The following ADAM12 variants were observed in gnomAD, a reference collection of about 807,000 sequenced individuals.
ADAM12 encodes disintegrin and metalloproteinase domain-containing protein 12.
Under a neutral mutation model 106.4 loss-of-function variants are expected in ADAM12, and 70 were observed. That is an observed-to-expected ratio of 0.66 (90% confidence interval 0.54 to 0.80). The LOEUF is 0.80. Among genes scored for constraint, ADAM12 ranks in the 30% least tolerant of loss-of-function variants. The pLI is 0.00. For missense variants in ADAM12, 1,010 were observed against 1,171.9 expected, an observed-to-expected ratio of 0.86 and a Z score of 2.02; for synonymous variants, 420 against 433.5, an observed-to-expected ratio of 0.97 and a Z score of 0.39.
At chr10:126,166,021 C>G (rs887795694) in intron 3 of ADAM12, among the ~76,000 whole-genome samples, 1 of 152,198 alleles carries the variant, frequency 6.6e-6, no homozygotes, top group Non-Finnish European at 1.5e-5. Flanking sequence ...TTGCCCAGCT[C>G]TTTCTCATTT....
chr10:126,337,428 G>A (rs1423349184), intron 1 of ADAM12, among the ~76,000 whole-genome samples: 1 of 152,144 alleles, frequency 6.6e-6, no homozygotes, highest in Admixed American at 6.6e-5. Context: ...AAAGAACCTG[G>A]AGTCTGATGT....
intron 2 of ADAM12, among the ~76,000 whole-genome samples, chr10:126,309,458 A>G (rs1245554014): frequency 6.6e-6 from 1 of 152,244 alleles, no homozygotes; most frequent in Non-Finnish European, 1.5e-5. Flanking sequence ...ATTCCAATGT[A>G]ACATAAGCCG....
Position 126,025,823 on chromosome 10 carries a change from C to T in ADAM12, c.2530-5998G>A, listed in dbSNP as rs147500171. Among the ~76,000 whole-genome samples the T allele has an allele frequency of 8.5e-3, 1,287 of 152,272 alleles. 19 individuals carry two copies. The highest frequency in any genetic ancestry group is 0.029 in the African/African-American group (1,195 of 41,546). On this transcript the variant is annotated intron_variant, in intron 21 of 22. Transcript: ENST00000448723. The stretch of plus-strand genomic sequence containing the variant: ...GAAATCCAGAGAAGGTAAGATACTC[C>T]ATGAGAAGATCAACCCCAAGACACA...
Position 126,258,418 on chromosome 10 carries a change from G to A in ADAM12, c.260+20497C>T, listed in dbSNP as rs182024893. 2.3e-3 allele frequency among the ~76,000 whole-genome samples: 316 copies of A among 135,864 alleles called. 2 individuals carry two copies. The highest frequency in any genetic ancestry group is 8.0e-3 in the African/African-American group (310 of 38,548). The allele number at this position is 135,864 out of a possible 152,430, so 89.1% of individuals were successfully genotyped here. A position where few individuals can be genotyped will look rare whatever the true frequency, so the allele number is the denominator to read the frequency against. ...CACACGCCCCACCCGTGCCCCACAC[G>A]CCCCACCAGTGTAATGGTCTCCCAG... On this transcript the variant is annotated intron_variant, in intron 3 of 22. Coordinates refer to ENST00000448723, the MANE Select transcript of ADAM12 (RefSeq NM_001288973.2).
At chr10:126,040,832 A>G (rs1954148584) in intron 18 of ADAM12, among the ~76,000 whole-genome samples, 2 of 152,128 alleles carry the variant, frequency 1.3e-5, no homozygotes, top group Non-Finnish European at 2.9e-5. Context: ...CCCACACTGA[A>G]CCTGCTGAAC....
chr10:126,046,461 TGTAAA>T (rs1954321977), intron 16 of ADAM12, among the ~76,000 whole-genome samples: 1 of 152,178 alleles, frequency 6.6e-6, no homozygotes, highest in Admixed American at 6.5e-5. Context: ...GTTTGGAGCT[TGTAAA>T]GAAATCTATG....
rs143824373 is a variant in ADAM12 at position 126,067,071 on chromosome 10, G to A, written c.1324-265C>T. 1.8e-3 allele frequency: 823 copies of A among 445,792 alleles called. 5 individuals carry two copies. The highest frequency in any genetic ancestry group is 0.015 in the African/African-American group (772 of 50,390). The allele number at this position is 445,792 out of a possible 1,614,324, so 27.6% of individuals were successfully genotyped here. On this transcript the variant is annotated intron_variant, in intron 12 of 22. Coordinates refer to ENST00000448723, the MANE Select transcript of ADAM12 (RefSeq NM_001288973.2). ...AAGCAGTTGTAACATAGGCTGGCCGGCTGGGGACATCACTCTAGTCAGCAG... is the reference window on the plus strand; with the variant it reads ...AAGCAGTTGTAACATAGGCTGGCCGACTGGGGACATCACTCTAGTCAGCAG...
At chr10:126,192,288 A>G (rs1489197535) in intron 3 of ADAM12, among the ~76,000 whole-genome samples, 1 of 152,236 alleles carries the variant, frequency 6.6e-6, no homozygotes, top group Non-Finnish European at 1.5e-5. Flanking sequence ...TAAAATGTGT[A>G]GAATAGTGCC....
chr10:126,023,700 AAAAT>A (rs1953813458), intron 21 of ADAM12, among the ~76,000 whole-genome samples: 3 of 152,204 alleles, frequency 2.0e-5, no homozygotes. Flanking sequence ...CCGAGGGAGA[AAAAT>A]AAACCTGTCA....
chr10:126,157,918 A>G (rs1300205468), intron 3 of ADAM12, among the ~76,000 whole-genome samples: 4 of 152,164 alleles, frequency 2.6e-5, no homozygotes, highest in Non-Finnish European at 4.4e-5. Flanking sequence ...TGAAGAGAAG[A>G]GTGTGAAGAA....
intron 3 of ADAM12, among the ~76,000 whole-genome samples, chr10:126,183,846 G>A (rs1238894807): frequency 1.3e-5 from 2 of 152,188 alleles, no homozygotes; most frequent in African/African-American, 2.4e-5. Flanking sequence ...ATCCAAACAC[G>A]GAGATGTCAA....
intron 2 of ADAM12, among the ~76,000 whole-genome samples, chr10:126,328,342 C>T (rs1854380644): frequency 1.3e-5 from 2 of 152,176 alleles, no homozygotes; most frequent in South Asian, 4.1e-4. Flanking sequence ...CACCGTTGTT[C>T]TGCAAAAATA....
intron 22 of ADAM12, 48 bp from the exon 23 acceptor site, chr10:126,017,387 G>T: frequency 6.6e-7 from 1 of 1,504,920 alleles, no homozygotes; most frequent in Non-Finnish European, 9.0e-7. Flanking sequence ...CTTGAGAAGT[G>T]ATTCTGAGGA....
intron 2 of ADAM12, among the ~76,000 whole-genome samples, chr10:126,326,548 G>A (rs1454410969): frequency 6.6e-6 from 1 of 152,140 alleles, no homozygotes. Flanking sequence ...GCTGTCCGTG[G>A]TCAGAGTGTG....
At chr10:126,113,020 G>A (rs1955899680) in intron 6 of ADAM12, among the ~76,000 whole-genome samples, 1 of 152,222 alleles carries the variant, frequency 6.6e-6, no homozygotes, top group Non-Finnish European at 1.5e-5. Context: ...GAAAGAGAGA[G>A]TCTGTGAAAA....
intron 3 of ADAM12, among the ~76,000 whole-genome samples, chr10:126,232,628 C>T (rs1361188637): frequency 6.6e-6 from 1 of 152,142 alleles, no homozygotes; most frequent in East Asian, 1.9e-4. Flanking sequence ...CTGCACTGTC[C>T]CCTCATCTTC....
intron 3 of ADAM12, among the ~76,000 whole-genome samples, chr10:126,174,756 C>A (rs1590560855): frequency 6.8e-6 from 1 of 148,030 alleles, no homozygotes; most frequent in Non-Finnish European, 1.5e-5. Flanking sequence ...CCTCACCCCC[C>A]CTTTTTTTTT....
At chr10:126,212,256 G>C (rs1233424334) in intron 3 of ADAM12, among the ~76,000 whole-genome samples, 1 of 152,188 alleles carries the variant, frequency 6.6e-6, no homozygotes, top group Non-Finnish European at 1.5e-5. Context: ...AATTCAATCT[G>C]AGTATGGTGC....
At chr10:126,256,892 T>A (rs1958902091) in intron 3 of ADAM12, among the ~76,000 whole-genome samples, 1 of 142,966 alleles carries the variant, frequency 7.0e-6, no homozygotes, top group Non-Finnish European at 1.5e-5. Context: ...ATACTGTTCC[T>A]GCACCTTTGG....
Sources: allele counts gnomAD v4.1 joint callset (sites outside exome capture counted in the v4.1 genomes callset), GRCh38; gene constraint gnomAD v4.1.1; transcripts MANE v1.5; gene names NCBI Gene and HGNC (gene_info 2026-07-23, HGNC 2026-07-21).